The following CRHR2 variants were observed in gnomAD, a reference collection of about 807,000 sequenced individuals.
CRHR2 encodes the protein corticotropin-releasing hormone receptor 2.
A neutral mutation model predicts 57.9 loss-of-function variants in CRHR2; 53 were observed. The observed-to-expected ratio is 0.92, with a 90% CI of 0.73 to 1.15. The LOEUF (loss-of-function observed/expected upper bound fraction) is 1.15, where lower values mean the gene tolerates loss of function less well. CRHR2 is among the 50% of genes most tolerant of loss of function. The pLI is 0.00. For missense variants in CRHR2, 532 were observed against 542.6 expected, an observed-to-expected ratio of 0.98 and a Z score of 0.19; for synonymous variants, 213 against 220.9, an observed-to-expected ratio of 0.96 and a Z score of 0.32.
At position 30,665,423 on chromosome 7, in the gene CRHR2, C is replaced by G. The variant is rs1489516382; in HGVS notation, c.425+107G>C. On this transcript the variant is annotated intron_variant, in intron 4 of 11. Transcript: ENST00000471646. This position sits in a 1 kb window ranked among gnomAD's most constrained non-coding sequence, Gnocchi z 4.5. ...CCAAACCCCACTTTCTCCACGGGCC[C>G]TTTTATCTGCTGGGCCCCAGAATGG... The G allele has an allele frequency of 8.5e-6, 9 of 1,063,000 alleles. No individual in the cohort carries two copies. Among genetic ancestry groups the G allele is most frequent in the Non-Finnish European group, 9.7e-6 (7 of 722,648 alleles). 65.8% of individuals were successfully genotyped at this position (1,063,000 alleles called of 1,614,324 possible). A position where few individuals can be genotyped will look rare whatever the true frequency, so the allele number is the denominator to read the frequency against.
At chr7:30,681,865 C>T in intron 2 of CRHR2, 50 bp downstream of exon 2, 1 of 1,574,906 alleles carries the variant, frequency 6.3e-7, no homozygotes, top group Non-Finnish European at 8.6e-7. Context: ...CCTAAACCGC[C>T]TTCTCAGGAG....
At chr7:30,678,237 G>C (rs1002603952) in intron 2 of CRHR2, among the ~76,000 whole-genome samples, 2 of 152,234 alleles carry the variant, frequency 1.3e-5, no homozygotes. Flanking sequence ...AAAGGCAGCA[G>C]AACCTGGGTT....
chr7:30,686,958 A>G (rs1376574114), upstream of CRHR2, among the ~76,000 whole-genome samples: 1 of 152,218 alleles, frequency 6.6e-6, no homozygotes, highest in Non-Finnish European at 1.5e-5. Flanking sequence ...AGTAGACAAT[A>G]TAATAAGCCT....
intron 2 of CRHR2, among the ~76,000 whole-genome samples, chr7:30,676,523 G>A: frequency 6.6e-6 from 1 of 152,098 alleles, no homozygotes; most frequent in East Asian, 1.9e-4. Context: ...AACAAATGTG[G>A]CATCCCAACT....
At chr7:30,689,076 G>T in intron 2 of CRHR2, 1 of 913,192 alleles carries the variant, frequency 1.1e-6, no homozygotes, top group Non-Finnish European at 1.7e-6. Flanking sequence ...CTGGAAACCA[G>T]CACCCCACCC....
At chr7:30,695,199 G>A (rs1304961262) in intron 1 of CRHR2, among the ~76,000 whole-genome samples, 1 of 151,946 alleles carries the variant, frequency 6.6e-6, no homozygotes, top group Non-Finnish European at 1.5e-5. Context: ...GAGGGAAGTG[G>A]GTCATTGTTT....
At position 30,682,365 on chromosome 7, in the gene CRHR2, G is replaced by C; in HGVS notation, c.-85C>G. The stretch of plus-strand genomic sequence containing the variant: ...GGAGTGGACGCGAGAGTGAGCGGCC[G>C]AGAGGGCGCGGGGTCCTGGCCCCCG... On this transcript the variant is annotated 5_prime_UTR_variant, in exon 1 of 12. Coordinates refer to ENST00000471646, the MANE Select transcript of CRHR2 (RefSeq NM_001883.5). 2.1e-6 allele frequency: 3 copies of C among 1,418,404 alleles called. No individual in the cohort carries two copies. Among genetic ancestry groups the C allele is most frequent in the South Asian group, 3.0e-5 (2 of 66,420 alleles). 87.9% of individuals were successfully genotyped at this position (1,418,404 alleles called of 1,614,324 possible).
Position 30,653,506 on chromosome 7 carries a change from G to A in CRHR2, c.1190C>T (p.Pro397Leu). Reference sequence around the variant, plus strand: ...GATGCTGTGGAAGCTGATCCGTGTGGGTGATGTAGGGATGGACATGGCCCG... The same window carrying A: ...GATGCTGTGGAAGCTGATCCGTGTGAGTGATGTAGGGATGGACATGGCCCG... ...MARAMSIPTS[P>L]TRISFHSIKQ... The change falls in exon 12 of 12, where the codon CCC (proline) becomes CTC (leucine). Residue 397 changes from proline (P) to leucine (L), a missense_variant. Coordinates refer to ENST00000471646, the MANE Select transcript of CRHR2 (RefSeq NM_001883.5). This position sits in a 1 kb window ranked among gnomAD's most constrained non-coding sequence, Gnocchi z 5.0. 1 of 1,613,650 alleles carries A rather than the reference G, an allele frequency of 6.2e-7. No homozygotes were observed. Among genetic ancestry groups the A allele is most frequent in the Non-Finnish European group, 8.5e-7 (1 of 1,179,968 alleles).
intron 1 of CRHR2, among the ~76,000 whole-genome samples, chr7:30,690,024 T>G (rs915908445): frequency 6.6e-6 from 1 of 151,960 alleles, no homozygotes; most frequent in South Asian, 2.1e-4. Context: ...ATCCAAAAGA[T>G]AGAAAAGCAC....
chr7:30,668,690 T>C (rs1336157528), intron 2 of CRHR2, among the ~76,000 whole-genome samples: 1 of 152,154 alleles, frequency 6.6e-6, no homozygotes, highest in Non-Finnish European at 1.5e-5. Flanking sequence ...ATGGGGAAGA[T>C]TCTATTAGCT....
At chr7:30,662,377 C>T (rs1221172644) in intron 6 of CRHR2, among the ~76,000 whole-genome samples, 161 bp from the exon 7 acceptor site, 5 of 152,184 alleles carry the variant, frequency 3.3e-5, no homozygotes, top group Non-Finnish European at 7.3e-5. Context: ...ACACCTGGCC[C>T]ATGCCCCTGC....
chr7:30,691,321 G>A (rs1224950130), intron 1 of CRHR2, among the ~76,000 whole-genome samples: 1 of 152,236 alleles, frequency 6.6e-6, no homozygotes, highest in African/African-American at 2.4e-5. Context: ...GAGGCATGCA[G>A]TGTCCACGGT....
At chr7:30,664,506 G>T (rs1055097485) in intron 5 of CRHR2, among the ~76,000 whole-genome samples, 4 of 152,206 alleles carry the variant, frequency 2.6e-5, no homozygotes, top group African/African-American at 9.6e-5. Flanking sequence ...GTTAGTTCTA[G>T]CTTCCTTTTC....
At chr7:30,667,140 G>T in intron 3 of CRHR2, 88 bp downstream of exon 3, 1 of 1,186,858 alleles carries the variant, frequency 8.4e-7, no homozygotes, top group Non-Finnish European at 1.3e-6. Flanking sequence ...CAAAAGGACT[G>T]GTCTGCCCCC....
intron 2 of CRHR2, among the ~76,000 whole-genome samples, chr7:30,668,376 G>A (rs1784252839): frequency 6.6e-6 from 1 of 152,010 alleles, no homozygotes; most frequent in Non-Finnish European, 1.5e-5. Flanking sequence ...GACCTACCGG[G>A]TGGGTTACAA....
In CRHR2 at chr7:30,665,529, C is replaced by A. The variant is rs777299346; in HGVS notation, c.425+1G>T. 5.1e-6 allele frequency: 8 copies of A among 1,555,852 alleles called. No individual in the cohort carries two copies. The African/African-American group carries it at 1.1e-4, about 21-fold the overall frequency. On this transcript the variant is annotated splice_donor_variant, in intron 4 of 11. Coordinates refer to ENST00000471646, the MANE Select transcript of CRHR2 (RefSeq NM_001883.5). LOFTEE classifies it high-confidence loss of function. The surrounding 1 kb of genome is among the most constrained non-coding windows in gnomAD (Gnocchi z 4.5). The stretch of plus-strand genomic sequence containing the variant: ...AAAGCAAGGCGGAAGGGCAGACTCA[C>A]CGCAGGGCCAGGAAAAGCAGGAAGG...
Position 30,668,031 on chromosome 7 carries a change from G to A in CRHR2, c.230-718C>T, listed in dbSNP as rs956035173. Among the ~76,000 whole-genome samples, 6 of 152,210 alleles carry A rather than the reference G, an allele frequency of 3.9e-5. No individual in the cohort carries two copies. The South Asian group carries it at 6.2e-4, about 16-fold the overall frequency. On this transcript the variant is annotated intron_variant, in intron 2 of 11. Transcript: ENST00000471646. ...GACTCAGGGCTGGGCCACCGCCCTC[G>A]GGCTGCTGCTGCCTGGGAGGCTACC...
At chr7:30,699,919 G>A (rs987488738) in intron 1 of CRHR2, 12 of 1,495,586 alleles carry the variant, frequency 8.0e-6, no homozygotes, top group Admixed American at 6.8e-5. Context: ...GCCCCACCTC[G>A]TGGACTCCCA....
In CRHR2 at chr7:30,662,233, C is replaced by T. The variant is rs746683281; in HGVS notation, c.698-17G>A. Reference sequence around the variant, plus strand: ...AGGGGATGCCTGAAAGAAGGAAAGACTTGGGCTGCAGGGGACAGATGGACA... The same window carrying T: ...AGGGGATGCCTGAAAGAAGGAAAGATTTGGGCTGCAGGGGACAGATGGACA... On this transcript the variant is annotated splice_polypyrimidine_tract_variant and intron_variant, in intron 6 of 11. Coordinates refer to ENST00000471646, the MANE Select transcript of CRHR2 (RefSeq NM_001883.5). The T allele has an allele frequency of 1.2e-6, 2 of 1,614,078 alleles. No individual in the cohort carries two copies. Among genetic ancestry groups the T allele is most frequent in the Non-Finnish European group, 1.7e-6 (2 of 1,179,974 alleles).
Sources: gnomAD v4.1 joint callset for allele counts (sites outside exome capture counted in the v4.1 genomes callset) on GRCh38, gnomAD v4.1.1 for gene constraint, Gnocchi (gnomAD v3.1) non-coding constraint, MANE v1.5 for transcripts, NCBI Gene and HGNC (gene_info 2026-07-23, HGNC 2026-07-21) for gene names.